Variants in MXI1 observed in about 807,000 individuals in gnomAD.
MXI1 encodes max-interacting protein 1.
A neutral mutation model predicts 36.9 loss-of-function variants in MXI1; 18 were observed. That is an observed-to-expected ratio of 0.49 (90% CI 0.34 to 0.72). MXI1 has a LOEUF of 0.72. MXI1 is among the 30% of genes least tolerant of loss of function. The pLI, the probability that MXI1 is intolerant of heterozygous loss-of-function variation, is 0.01. For synonymous variants in MXI1, 160 were observed against 146.7 expected (o/e 1.09, Z -0.65); for missense variants, 304 against 379.1 (o/e 0.80, Z 1.64).
chr10:110,268,766 A>T (rs1474813094), intron 3 of MXI1, among the ~76,000 whole-genome samples: 2 of 152,204 alleles, frequency 1.3e-5, no homozygotes, highest in Non-Finnish European at 2.9e-5. Context: ...TCAGGAAAAA[A>T]AAAAAGTGAT....
chr10:110,251,801 G>A lies in MXI1; in HGVS notation c.437+6944G>A, dbSNP rs959866001. ...AGTGTGAGTAGAGCCATGGAAGCAGGAATGTAGCATCATAAGCTGTGTTCA... is the reference window on the plus strand; with the variant it reads ...AGTGTGAGTAGAGCCATGGAAGCAGAAATGTAGCATCATAAGCTGTGTTCA... On this transcript the variant is annotated intron_variant, in intron 3 of 5. Coordinates refer to ENST00000332674, the MANE Select transcript of MXI1 (RefSeq NM_130439.3). Among the ~76,000 whole-genome samples the A allele has an allele frequency of 2.6e-5, 4 of 152,136 alleles. No individual in the cohort carries two copies. The South Asian group carries it at 8.3e-4, about 31-fold the overall frequency.
intron 1 of MXI1, among the ~76,000 whole-genome samples, chr10:110,216,354 A>G (rs984754388): frequency 6.6e-6 from 1 of 152,188 alleles, no homozygotes; most frequent in Non-Finnish European, 1.5e-5. Context: ...ACCAGTACAT[A>G]AGGAGTACAT....
rs562759141 is a variant in MXI1 at position 110,214,845 on chromosome 10, T to TTG, written c.274+6764_274+6765insGT. Among the ~76,000 whole-genome samples, 343 of 71,698 alleles carry TTG rather than the reference T, an allele frequency of 4.8e-3. 3 individuals carry two copies. Among genetic ancestry groups the TTG allele is most frequent in the African/African-American group, 0.036 (306 of 8,456 alleles). The allele number at this position is 71,698 out of a possible 152,430, so 47.0% of individuals were successfully genotyped here. On this transcript the variant is annotated intron_variant, in intron 1 of 5. Transcript: ENST00000332674. ...AATTGTGGTTTTGTGGCTTTTGAGT[T>TTG]TTTTTTTTTTTTTTTAAAGGAGAGA...
intron 3 of MXI1, among the ~76,000 whole-genome samples, chr10:110,266,091 T>C (rs1057442206): frequency 6.6e-6 from 1 of 151,240 alleles, no homozygotes; most frequent in African/African-American, 2.4e-5. Context: ...ACAGCTAAAA[T>C]ACAGAGTCTT....
intron 2 of MXI1, among the ~76,000 whole-genome samples, chr10:110,230,843 A>G (rs1246039956): frequency 6.6e-6 from 1 of 152,234 alleles, no homozygotes; most frequent in African/African-American, 2.4e-5. Flanking sequence ...TGTATTTATC[A>G]TCTGAAACAA....
chr10:110,279,755 T>G (rs768113082), intron 4 of MXI1, among the ~76,000 whole-genome samples, 159 bp from the exon 5 acceptor site: 8 of 152,250 alleles, frequency 5.3e-5, no homozygotes, highest in Non-Finnish European at 1.0e-4. Flanking sequence ...AATATGTATT[T>G]ATATGCATTC....
chr10:110,226,445 C>CGG (rs1564708034), intron 1 of MXI1: 1 of 64,412 alleles, frequency 1.6e-5, no homozygotes, highest in Non-Finnish European at 2.0e-5. Flanking sequence ...GAGGAGCGCG[C>CGG]GTGTGTGGGG....
intron 5 of MXI1, among the ~76,000 whole-genome samples, chr10:110,280,552 C>T (rs1303792177): frequency 6.6e-6 from 1 of 151,658 alleles, no homozygotes; most frequent in Admixed American, 6.6e-5. Flanking sequence ...TGGTGGCAGG[C>T]GCCTGTAGTC....
rs79045369 is a variant in MXI1, at chr10:110,214,088, C to T, written c.274+6006C>T. ...CAAAGGATATATAGCTAGTAAGTCG[C>T]GGAGCTGAGTTTTGAACTTAGGCCT... On this transcript the variant is annotated intron_variant, in intron 1 of 5. Transcript: ENST00000332674. Among the ~76,000 whole-genome samples, 397 of 152,282 alleles carry T rather than the reference C, an allele frequency of 2.6e-3. 2 individuals carry two copies. Among genetic ancestry groups the T allele is most frequent in the Non-Finnish European group, 4.5e-3 (304 of 68,024 alleles).
chr10:110,270,117 T>A (rs1287216507), intron 3 of MXI1, among the ~76,000 whole-genome samples: 3 of 152,342 alleles, frequency 2.0e-5, no homozygotes, highest in African/African-American at 7.2e-5. Flanking sequence ...CCCTGGAAAG[T>A]TGCCAAAGGA....
Position 110,232,772 on chromosome 10 carries a change from T to C in MXI1, c.407+4451T>C, listed in dbSNP as rs74156403. Among the ~76,000 whole-genome samples the C allele has an allele frequency of 1.9e-3, 282 of 152,322 alleles. 1 individual carries two copies. The highest frequency in any genetic ancestry group is 0.014 in the Middle Eastern group (4 of 294). On this transcript the variant is annotated intron_variant, in intron 2 of 5. Coordinates refer to ENST00000332674, the MANE Select transcript of MXI1 (RefSeq NM_130439.3). ...AAGGAAGAGTGATAAAACCCCTGTT[T>C]TGGCAAACTCTGATTACTTTGTGTT... is the stretch of plus-strand genomic sequence containing the variant.
At chr10:110,248,032 C>T (rs1490251313) in intron 3 of MXI1, among the ~76,000 whole-genome samples, 1 of 152,148 alleles carries the variant, frequency 6.6e-6, no homozygotes. Context: ...ATGATGAGTT[C>T]ATGTCCTTTG....
intron 3 of MXI1, among the ~76,000 whole-genome samples, chr10:110,254,224 TA>T (rs1856202177): frequency 1.3e-5 from 2 of 152,174 alleles, no homozygotes; most frequent in Non-Finnish European, 2.9e-5. Flanking sequence ...TGCAATATTT[TA>T]AACTTTATTA....
intron 3 of MXI1, among the ~76,000 whole-genome samples, chr10:110,262,142 C>T (rs888443121): frequency 1.4e-4 from 22 of 152,022 alleles, no homozygotes; most frequent in African/African-American, 3.6e-4. Flanking sequence ...TGGATTCAAA[C>T]GACTATGGAT....
chr10:110,231,362 A>ACCC (rs201426609), intron 2 of MXI1, among the ~76,000 whole-genome samples: 37 of 127,504 alleles, frequency 2.9e-4, no homozygotes, highest in African/African-American at 9.4e-4. Flanking sequence ...GTGATAATCC[A>ACCC]CCCCCCCCCC....
chr10:110,260,103 A>G (rs1015226344), intron 3 of MXI1, among the ~76,000 whole-genome samples: 6 of 152,064 alleles, frequency 3.9e-5, no homozygotes, highest in Admixed American at 6.6e-5. Context: ...GTCAAAAATG[A>G]TACCCAGAAT....
intron 1 of MXI1, chr10:110,208,377 A>T: frequency 4.1e-6 from 1 of 241,864 alleles, no homozygotes; most frequent in South Asian, 6.3e-5. Flanking sequence ...TTGTTTGCTG[A>T]CAACTGAGCC....
At chr10:110,226,033 C>A (rs1349454929) in intron 1 of MXI1, 3 of 979,420 alleles carry the variant, frequency 3.1e-6, no homozygotes, top group African/African-American at 3.5e-5. Context: ...GCACGGCGGG[C>A]GCGGCTGGCG....
chr10:110,286,442 G>T lies in MXI1; in HGVS notation c.*1455G>T, dbSNP rs1803997. The T allele has an allele frequency of 0.043, 6,509 of 150,854 alleles. 415 individuals carry two copies. Among genetic ancestry groups the T allele is most frequent in the East Asian group, 0.28 (1,436 of 5,130 alleles). The allele number at this position is 150,854 out of a possible 1,614,324, so 9.3% of individuals were successfully genotyped here. On this transcript the variant is annotated 3_prime_UTR_variant, in exon 6 of 6. Coordinates refer to ENST00000332674, the MANE Select transcript of MXI1 (RefSeq NM_130439.3). ...AAGGCCTCTTGGAGACCTTACCCCT[G>T]GCTGTTTGGACTTTGTATACTTTAA...
Sources: allele counts gnomAD v4.1 joint callset (sites outside exome capture counted in the v4.1 genomes callset), GRCh38; gene constraint gnomAD v4.1.1; transcripts MANE v1.5; gene names NCBI Gene and HGNC (gene_info 2026-07-23, HGNC 2026-07-21).